ASTN2: variants seen among roughly 807,000 people sequenced by gnomAD.
ASTN2 encodes the protein astrotactin 2, also known as astrotactin-2.
Under a neutral mutation model 139.8 loss-of-function variants are expected in ASTN2, and 54 were observed. The ratio of observed to expected loss-of-function variants is 0.39; its 90% confidence interval spans 0.31 to 0.48. ASTN2 has a LOEUF of 0.48. Ranked by LOEUF, ASTN2 falls within the 20% of genes least tolerant of loss-of-function variation. The probability of loss-of-function intolerance (pLI) is 0.95; values close to 1 mark genes in which losing one functional copy is unlikely to be tolerated. For missense variants in ASTN2, 1,565 were observed against 1,725.1 expected (o/e 0.91, Z 1.64); for synonymous variants, 756 against 719.5 (o/e 1.05, Z -0.81).
At chr9:116,736,971 T>G (rs899713308) in intron 13 of ASTN2, among the ~76,000 whole-genome samples, 1 of 152,140 alleles carries the variant, frequency 6.6e-6, no homozygotes, top group Non-Finnish European at 1.5e-5. Flanking sequence ...GGCAGGGGCC[T>G]GGCTCAGGAC....
chr9:116,560,470 C>G (rs1305191945), intron 19 of ASTN2, among the ~76,000 whole-genome samples: 1 of 138,582 alleles, frequency 7.2e-6, no homozygotes, highest in Non-Finnish European at 1.6e-5. Context: ...ATCCTTCCTC[C>G]CTCTTCTTCT....
chr9:116,706,893 TAATTGGCATTTAAGAACAAGAATA>T (rs992255451), intron 16 of ASTN2, among the ~76,000 whole-genome samples: 1 of 151,528 alleles, frequency 6.6e-6, no homozygotes, highest in Non-Finnish European at 1.5e-5. Context: ...GAATTTTTGA[TAATTGGCATTTAAGAACAAGAATA>T]AAGTGGCATT....
chr9:117,024,409 T>C (rs1837990827), intron 6 of ASTN2, among the ~76,000 whole-genome samples: 1 of 142,520 alleles, frequency 7.0e-6, no homozygotes, highest in African/African-American at 2.8e-5. Flanking sequence ...CAGAATTGTT[T>C]TTTTTTAAAA....
At chr9:117,161,334 A>G (rs1243040143) in intron 3 of ASTN2, among the ~76,000 whole-genome samples, 2 of 152,072 alleles carry the variant, frequency 1.3e-5, no homozygotes, top group African/African-American at 2.4e-5. Context: ...GTTAAAAGTG[A>G]GAGAAAGCGC....
At chr9:117,062,159 G>C (rs1293654869) in intron 5 of ASTN2, among the ~76,000 whole-genome samples, 2 of 152,110 alleles carry the variant, frequency 1.3e-5, no homozygotes, top group Admixed American at 1.3e-4. Context: ...AGCAGGATTG[G>C]CCCTAAATTG....
chr9:117,110,767 T>C (rs1829229642), intron 4 of ASTN2, among the ~76,000 whole-genome samples: 2 of 152,092 alleles, frequency 1.3e-5, no homozygotes. Flanking sequence ...GGTTCTTCCT[T>C]TGAGGGTAGT....
intron 19 of ASTN2, among the ~76,000 whole-genome samples, chr9:116,502,487 CAG>C (rs1285660096): frequency 6.7e-6 from 1 of 150,332 alleles, no homozygotes; most frequent in African/African-American, 2.4e-5. Flanking sequence ...GGGCCAAAGA[CAG>C]AGAACCAGAA....
intron 19 of ASTN2, among the ~76,000 whole-genome samples, chr9:116,500,240 A>T (rs1384593491): frequency 6.6e-6 from 1 of 152,114 alleles, no homozygotes; most frequent in East Asian, 1.9e-4. Flanking sequence ...TTTTTAGTTT[A>T]CAATGTATGC....
intron 1 of ASTN2, among the ~76,000 whole-genome samples, chr9:117,381,978 T>C (rs1407542188): frequency 5.3e-5 from 8 of 152,182 alleles, no homozygotes; most frequent in African/African-American, 1.7e-4. Flanking sequence ...TCAAGGTCAA[T>C]GTGGCTGGAG....
At position 117,091,876 on chromosome 9, in the gene ASTN2, T is replaced by C. The variant is rs182900467; in HGVS notation, c.1276+4168A>G. ...AAAGATGATCACTCTGGCTACATGA[T>C]TGAGAATGGACTGGAAGACAGCAAG... is the stretch of plus-strand genomic sequence containing the variant. On this transcript the variant is annotated intron_variant, in intron 5 of 22. Transcript: ENST00000313400. 3.5e-3 allele frequency among the ~76,000 whole-genome samples: 540 copies of C among 152,156 alleles called. 1 individual carries two copies. Among genetic ancestry groups the C allele is most frequent in the African/African-American group, 0.012 (518 of 41,516 alleles).
At chr9:117,094,203 AG>A (rs1828783121) in intron 5 of ASTN2, among the ~76,000 whole-genome samples, 2 of 137,684 alleles carry the variant, frequency 1.5e-5, no homozygotes, top group African/African-American at 5.4e-5. Flanking sequence ...AGAGGAGAGG[AG>A]AGGAGAGGAG....
chr9:116,932,633 A>C (rs1287053493), intron 10 of ASTN2, among the ~76,000 whole-genome samples: 1 of 152,122 alleles, frequency 6.6e-6, no homozygotes, highest in Non-Finnish European at 1.5e-5. Flanking sequence ...ACGCAGGAAC[A>C]GAAAGCTACA....
At chr9:117,185,431 AGATGC>A (rs1831172512) in intron 3 of ASTN2, among the ~76,000 whole-genome samples, 1 of 152,198 alleles carries the variant, frequency 6.6e-6, no homozygotes, top group East Asian at 1.9e-4. Flanking sequence ...CCACATTCAC[AGATGC>A]GTGCTTTAGT....
intron 7 of ASTN2, among the ~76,000 whole-genome samples, chr9:116,993,895 A>G (rs1836936710): frequency 7.0e-6 from 1 of 142,294 alleles, no homozygotes; most frequent in Non-Finnish European, 1.5e-5. Flanking sequence ...ATATTACTAT[A>G]TATATTTTAG....
In ASTN2 at chr9:116,698,968, G is replaced by A. The variant is rs145828717; in HGVS notation, c.2806+26803C>T. 2.9e-5 allele frequency: 47 copies of A among 1,614,004 alleles called. No individual in the cohort carries two copies. Among genetic ancestry groups the A allele is most frequent in the African/African-American group, 6.7e-5 (5 of 74,920 alleles). On this transcript the variant is annotated intron_variant, in intron 16 of 22. Coordinates refer to ENST00000313400, the MANE Select transcript of ASTN2 (RefSeq NM_001365068.1). This position sits in a 1 kb window ranked among gnomAD's most constrained non-coding sequence, Gnocchi z 4.4. ...AAAGGCTTTTTGAAGGAAATCCGCC[G>A]CAGCCCCAGTGGCATTGATAGCTTT... is the stretch of plus-strand genomic sequence containing the variant.
intron 10 of ASTN2, among the ~76,000 whole-genome samples, chr9:116,867,969 T>G (rs1229238593): frequency 6.6e-6 from 1 of 152,128 alleles, no homozygotes; most frequent in Non-Finnish European, 1.5e-5. Flanking sequence ...AGCCCAGGGT[T>G]TAGGGTCTGT....
At chr9:117,295,249 A>G (rs544436159) in intron 1 of ASTN2, among the ~76,000 whole-genome samples, 8 of 152,170 alleles carry the variant, frequency 5.3e-5, no homozygotes, top group African/African-American at 1.7e-4. Context: ...TTGAACTCGG[A>G]AAGTGGAGGT....
intron 7 of ASTN2, among the ~76,000 whole-genome samples, chr9:117,002,163 A>C (rs1335899107): frequency 2.0e-5 from 3 of 152,206 alleles, no homozygotes; most frequent in African/African-American, 7.2e-5. Context: ...TATAGGAATA[A>C]ATATGATCTC....
intron 10 of ASTN2, among the ~76,000 whole-genome samples, chr9:116,880,573 C>G (rs966012255): frequency 1.1e-4 from 16 of 152,174 alleles, no homozygotes; most frequent in African/African-American, 3.4e-4. Flanking sequence ...CACCTCAGAA[C>G]TTCAGTTTCC....
Sources: allele counts gnomAD v4.1 joint callset (sites outside exome capture counted in the v4.1 genomes callset), GRCh38; gene constraint gnomAD v4.1.1; non-coding constraint Gnocchi (gnomAD v3.1); transcripts MANE v1.5; gene names NCBI Gene and HGNC (gene_info 2026-07-23, HGNC 2026-07-21).